The following TMEM44 variants were observed in gnomAD, a reference collection of about 807,000 sequenced individuals.
TMEM44 encodes the protein transmembrane protein 44.
Under a neutral mutation model 47.8 loss-of-function variants are expected in TMEM44, and 43 were observed. The ratio of observed to expected loss-of-function variants is 0.90; its 90% confidence interval spans 0.70 to 1.16. The LOEUF is 1.16. TMEM44 is among the 50% of genes most tolerant of loss of function. The pLI is 0.00. For synonymous variants in TMEM44, 277 were observed against 238.8 expected (o/e 1.16, Z -1.48); for missense variants, 568 against 555.2 (o/e 1.02, Z -0.23).
At chr3:194,627,775 T>C (rs1717332965) in intron 2 of TMEM44, among the ~76,000 whole-genome samples, 1 of 152,014 alleles carries the variant, frequency 6.6e-6, no homozygotes, top group African/African-American at 2.4e-5. Flanking sequence ...GGTCAGGAGT[T>C]CGAGACCAGC....
intron 9 of TMEM44, among the ~76,000 whole-genome samples, chr3:194,603,659 A>C (rs2109169418): frequency 6.6e-6 from 1 of 152,174 alleles, no homozygotes; most frequent in East Asian, 1.9e-4. Context: ...TGGCCTCTCA[A>C]AGTGCTGGGA....
chr3:194,617,079 C>G lies in TMEM44; in HGVS notation c.783+20G>C. The G allele has an allele frequency of 6.8e-7, 1 of 1,476,300 alleles. No individual in the cohort carries two copies. Among genetic ancestry groups the G allele is most frequent in the Non-Finnish European group, 9.0e-7 (1 of 1,110,074 alleles). The allele number at this position is 1,476,300 out of a possible 1,614,324, so 91.5% of individuals were successfully genotyped here. A position where few individuals can be genotyped will look rare whatever the true frequency, so the allele number is the denominator to read the frequency against. ...TCCTCTGGCTGCAAGCAGGGAGCTC[C>G]CCAGGCCTGGGGTGGATACAGCGAG... On this transcript the variant is annotated intron_variant, in intron 6 of 9. Transcript: ENST00000347147.
chr3:194,609,379 A>G (rs1319017866), intron 8 of TMEM44, among the ~76,000 whole-genome samples: 1 of 152,140 alleles, frequency 6.6e-6, no homozygotes, highest in Non-Finnish European at 1.5e-5. Flanking sequence ...TCTACAGTCA[A>G]GCTTACCCAG....
intron 5 of TMEM44, among the ~76,000 whole-genome samples, chr3:194,618,994 C>G (rs1445829522): frequency 6.6e-6 from 1 of 152,248 alleles, no homozygotes; most frequent in Non-Finnish European, 1.5e-5. Context: ...TCCCATCGGC[C>G]CTTCCTATCT....
intron 1 of TMEM44, among the ~76,000 whole-genome samples, chr3:194,632,226 T>C (rs192026362): frequency 2.6e-5 from 4 of 152,352 alleles, no homozygotes; most frequent in African/African-American, 9.6e-5. Context: ...GTAAATGTTC[T>C]AGGCGTCTTT....
At chr3:194,628,130 T>C (rs1423400285) in intron 2 of TMEM44, among the ~76,000 whole-genome samples, 1 of 152,194 alleles carries the variant, frequency 6.6e-6, no homozygotes, top group African/African-American at 2.4e-5. Flanking sequence ...GATTACAGTG[T>C]GAGCCACTGC....
Position 194,633,221 on chromosome 3 carries a change from G to C in TMEM44, c.-6C>G. The C allele has an allele frequency of 7.2e-7, 1 of 1,392,636 alleles. No individual in the cohort carries two copies. Among genetic ancestry groups the C allele is most frequent in the Non-Finnish European group, 9.3e-7 (1 of 1,072,352 alleles). 86.3% of individuals were successfully genotyped at this position (1,392,636 alleles called of 1,614,324 possible). On this transcript the variant is annotated 5_prime_UTR_variant, in exon 1 of 10. Coordinates refer to ENST00000347147, the MANE Select transcript of TMEM44 (RefSeq NM_001011655.3). ...GGGCTGGGCGCCTCCCCCATGGCGC[G>C]GCTGGGCGCGCGGCGCGGGGCCGGG...
chr3:194,615,723 A>G (rs1389658505), intron 6 of TMEM44, 26 bp from the exon 7 acceptor site: 11 of 1,612,084 alleles, frequency 6.8e-6, no homozygotes, highest in Non-Finnish European at 8.5e-6. Context: ...TTAAGGTAGG[A>G]AGCAGAATAT....
chr3:194,597,992 G>A (rs761842213), intron 9 of TMEM44, among the ~76,000 whole-genome samples: 29 of 152,200 alleles, frequency 1.9e-4, no homozygotes, highest in Admixed American at 1.7e-3. Flanking sequence ...TGTGCCCTTC[G>A]GATGGCTTTG....
intron 5 of TMEM44, among the ~76,000 whole-genome samples, chr3:194,620,116 C>A (rs1309793065): frequency 6.6e-6 from 1 of 151,696 alleles, no homozygotes; most frequent in Non-Finnish European, 1.5e-5. Context: ...CATGGAGAAA[C>A]CCTGTCTCTA....
At chr3:194,633,015 G>A in intron 1 of TMEM44, 64 bp downstream of exon 1, 1 of 1,518,116 alleles carries the variant, frequency 6.6e-7, no homozygotes, top group Non-Finnish European at 8.9e-7. Flanking sequence ...TTTCCGAGAG[G>A]GAGCAGCAGG....
chr3:194,588,507 G>A lies in TMEM44; in HGVS notation c.*22C>T, dbSNP rs774783729. 24 of 1,608,524 alleles carry A rather than the reference G, an allele frequency of 1.5e-5. No homozygotes were observed. The highest frequency in any genetic ancestry group is 2.0e-5 in the Non-Finnish European group (24 of 1,175,268). ...AACTCCTGACCCTGGGCTCTGAGCT[G>A]ATGAGCTGGCTCCAGAAGGTGTTAA... On this transcript the variant is annotated 3_prime_UTR_variant, in exon 10 of 10. Transcript: ENST00000347147.
chr3:194,622,480 C>T (rs972577370), intron 5 of TMEM44: 5 of 152,296 alleles, frequency 3.3e-5, no homozygotes, highest in Non-Finnish European at 7.3e-5. Context: ...CTTACCCCCC[C>T]CAGCACTGGC....
chr3:194,625,840 G>T, intron 3 of TMEM44, 57 bp downstream of exon 3: 2 of 1,444,646 alleles, frequency 1.4e-6, no homozygotes, highest in South Asian at 1.1e-5. Context: ...GTAGGCATTC[G>T]GCGTGCTGAT....
chr3:194,610,778 G>A (rs1166180659), intron 8 of TMEM44, 138 bp downstream of exon 8: 18 of 731,940 alleles, frequency 2.5e-5, no homozygotes, highest in Non-Finnish European at 3.7e-5. Flanking sequence ...CTGCAGCCTT[G>A]GACAGCTCCT....
chr3:194,590,367 C>G (rs1712502612), intron 9 of TMEM44: 3 of 152,262 alleles, frequency 2.0e-5, no homozygotes, highest in South Asian at 4.1e-4. Context: ...AGCTCGTCCC[C>G]TGCACCTGTT....
intron 9 of TMEM44, among the ~76,000 whole-genome samples, chr3:194,602,696 G>T (rs962802970): frequency 1.3e-5 from 2 of 152,280 alleles, no homozygotes; most frequent in East Asian, 3.9e-4. Context: ...TGTGGCGAAA[G>T]GGCCAGAGAA....
chr3:194,616,212 C>T (rs1343541962), intron 6 of TMEM44, among the ~76,000 whole-genome samples: 1 of 152,082 alleles, frequency 6.6e-6, no homozygotes, highest in South Asian at 2.1e-4. Flanking sequence ...CCATCATGCT[C>T]GGGTAATTTT....
At chr3:194,608,660 GA>G (rs1219788930) in intron 8 of TMEM44, among the ~76,000 whole-genome samples, 4 of 152,174 alleles carry the variant, frequency 2.6e-5, no homozygotes, top group African/African-American at 9.7e-5. Flanking sequence ...AATCAGGAGG[GA>G]GAGCATTCTG....
Sources: allele counts gnomAD v4.1 joint callset (sites outside exome capture counted in the v4.1 genomes callset), GRCh38; gene constraint gnomAD v4.1.1; transcripts MANE v1.5; gene names NCBI Gene and HGNC (gene_info 2026-07-23, HGNC 2026-07-21).